The following NALCN variants were observed in gnomAD, a reference collection of about 807,000 sequenced individuals.
The protein encoded by NALCN is sodium leak channel, non-selective.
Under a neutral mutation model 225.3 loss-of-function variants are expected in NALCN, and 111 were observed. That is an observed-to-expected ratio of 0.49 (90% confidence interval 0.42 to 0.58). The LOEUF (loss-of-function observed/expected upper bound fraction) is 0.58, where lower values mean the gene tolerates loss of function less well. Ranked by LOEUF, NALCN falls within the 20% of genes least tolerant of loss-of-function variation. The pLI is 0.00. For missense variants in NALCN, 1,378 were observed against 2,202.4 expected (o/e 0.63, Z 7.49); for synonymous variants, 764 against 769.0 (o/e 0.99, Z 0.11).
rs190950336 is a variant in NALCN, at chr13:101,318,031, T to C, written c.800-25665A>G. The stretch of plus-strand genomic sequence containing the variant: ...TTATTTACAGATATACTTGCTCAAC[T>C]GGGTTTTAAATTCCTTAATCTGCTC... On this transcript the variant is annotated intron_variant, in intron 7 of 43. Transcript: ENST00000251127. Among the ~76,000 whole-genome samples, 155 of 152,300 alleles carry C rather than the reference T, an allele frequency of 1.0e-3. 2 individuals carry two copies. The highest frequency in any genetic ancestry group is 3.2e-3 in the African/African-American group (135 of 41,566).
chr13:101,145,311 A>G (rs1370993622), intron 15 of NALCN, among the ~76,000 whole-genome samples: 1 of 152,222 alleles, frequency 6.6e-6, no homozygotes, highest in Non-Finnish European at 1.5e-5. Context: ...AAAATTAACT[A>G]CAGAATCATA....
At position 101,274,861 on chromosome 13, in the gene NALCN, G is replaced by C. The variant is rs184935035; in HGVS notation, c.1134+9072C>G. Among the ~76,000 whole-genome samples, 44 of 152,268 alleles carry C rather than the reference G, an allele frequency of 2.9e-4. 1 individual carries two copies. In the East Asian group the frequency reaches 8.3e-3, roughly 29 times the overall value. On this transcript the variant is annotated intron_variant, in intron 10 of 43. Transcript: ENST00000251127. ...AGGAAAAATGATCCCTGAGTTGTAA[G>C]TACTGCAGTCAAGTCTCACCACTTA... is the stretch of plus-strand genomic sequence containing the variant.
intron 34 of NALCN, among the ~76,000 whole-genome samples, chr13:101,080,816 C>A (rs1236361882): frequency 6.6e-6 from 1 of 150,746 alleles, no homozygotes; most frequent in Non-Finnish European, 1.5e-5. Context: ...TTCTAAACCA[C>A]TACTTTTTTA....
intron 7 of NALCN, among the ~76,000 whole-genome samples, chr13:101,340,849 G>T (rs2045535452): frequency 6.8e-6 from 1 of 147,864 alleles, no homozygotes; most frequent in African/African-American, 2.5e-5. Context: ...GATTTAGAAA[G>T]AATTGATTCC....
At chr13:101,114,973 G>C (rs1385091679) in intron 18 of NALCN, among the ~76,000 whole-genome samples, 1 of 151,930 alleles carries the variant, frequency 6.6e-6, no homozygotes, top group African/African-American at 2.4e-5. Context: ...AAGAGAGTAG[G>C]GTTTTCTTTA....
chr13:101,059,675 T>C (rs2031676528), intron 42 of NALCN, 143 bp downstream of exon 42: 1 of 235,370 alleles, frequency 4.2e-6, no homozygotes, highest in Non-Finnish European at 6.1e-6. Context: ...TTCCGTTGCC[T>C]TTTTTTTTTT....
At chr13:101,201,907 G>A (rs2040138258) in intron 13 of NALCN, among the ~76,000 whole-genome samples, 1 of 152,060 alleles carries the variant, frequency 6.6e-6, no homozygotes. Flanking sequence ...CCTTTTTATT[G>A]AGAGAGTCCC....
intron 6 of NALCN, among the ~76,000 whole-genome samples, chr13:101,374,694 C>G (rs890285051): frequency 6.6e-6 from 1 of 151,866 alleles, no homozygotes; most frequent in Non-Finnish European, 1.5e-5. Flanking sequence ...AACATTTAAC[C>G]AGTGAAATTA....
intron 14 of NALCN, chr13:101,181,149 G>A (rs773119073): frequency 4.0e-5 from 21 of 518,746 alleles, no homozygotes; most frequent in South Asian, 2.7e-4. Flanking sequence ...CCCAAGCCAC[G>A]CAGATGCCAA....
intron 7 of NALCN, among the ~76,000 whole-genome samples, chr13:101,321,663 A>G (rs1038587561): frequency 6.6e-6 from 1 of 152,192 alleles, no homozygotes; most frequent in African/African-American, 2.4e-5. Context: ...AATCAATTGT[A>G]GAATGACCAA....
At chr13:101,262,523 T>C (rs925724094) in intron 10 of NALCN, among the ~76,000 whole-genome samples, 13 of 152,332 alleles carry the variant, frequency 8.5e-5, no homozygotes, top group African/African-American at 2.9e-4. Context: ...ATCCTCTTTC[T>C]GAGGTTTCAT....
At chr13:101,105,613 A>G (rs1318541550) in intron 22 of NALCN, among the ~76,000 whole-genome samples, 1 of 139,996 alleles carries the variant, frequency 7.1e-6, no homozygotes, top group Non-Finnish European at 1.6e-5. Context: ...AGGTACAGGC[A>G]GCCAACAGGA....
At chr13:101,075,690 G>A (rs2033207320) in intron 35 of NALCN, among the ~76,000 whole-genome samples, 183 bp downstream of exon 35, 1 of 151,896 alleles carries the variant, frequency 6.6e-6, no homozygotes, top group Non-Finnish European at 1.5e-5. Context: ...GAAACACATC[G>A]AATGATAACT....
chr13:101,161,723 T>C (rs1341366256), intron 15 of NALCN, among the ~76,000 whole-genome samples: 1 of 152,092 alleles, frequency 6.6e-6, no homozygotes, highest in East Asian at 1.9e-4. Flanking sequence ...AATATAAAAA[T>C]TAGCCAGGAG....
intron 9 of NALCN, 96 bp from the exon 10 acceptor site, chr13:101,284,115 AT>A: frequency 9.7e-7 from 1 of 1,035,620 alleles, no homozygotes; most frequent in Non-Finnish European, 1.4e-6. Context: ...GTTATCAAAA[AT>A]TTGTCTTCTT....
At chr13:101,220,942 G>A (rs752460889) in intron 13 of NALCN, among the ~76,000 whole-genome samples, 4 of 151,840 alleles carry the variant, frequency 2.6e-5, no homozygotes, top group East Asian at 1.9e-4. Context: ...AACACATTTC[G>A]GCTTACATCT....
chr13:101,349,960 T>C (rs2045860906), intron 6 of NALCN, among the ~76,000 whole-genome samples: 1 of 152,160 alleles, frequency 6.6e-6, no homozygotes, highest in South Asian at 2.1e-4. Flanking sequence ...AGTCTTAGAA[T>C]CATGCTTGAT....
chr13:101,184,401 C>T (rs9557595), intron 14 of NALCN, among the ~76,000 whole-genome samples: 18,026 of 152,102 alleles, frequency 0.12, 1,136 homozygotes, highest in East Asian at 0.17. Flanking sequence ...TTCTTTATGA[C>T]GCTCCTCTTT....
chr13:101,181,273 T>C lies in NALCN; in HGVS notation c.1765-4899A>G, dbSNP rs1003363709. ...GCTTCCAGGCAGAGGGTTTGGAGGC[T>C]GGAGAGGAAGGCAGGATGGACAGGC... is the stretch of plus-strand genomic sequence containing the variant. On this transcript the variant is annotated intron_variant, in intron 14 of 43. Transcript: ENST00000251127. 3 of 518,650 alleles carry C rather than the reference T, an allele frequency of 5.8e-6. No individual in the cohort carries two copies. The African/African-American group carries it at 5.8e-5, about 10-fold the overall frequency. The allele number at this position is 518,650 out of a possible 1,614,324, so 32.1% of individuals were successfully genotyped here. A position where few individuals can be genotyped will look rare whatever the true frequency, so the allele number is the denominator to read the frequency against.
Sources: allele counts gnomAD v4.1 joint callset (sites outside exome capture counted in the v4.1 genomes callset), GRCh38; gene constraint gnomAD v4.1.1; transcripts MANE v1.5; gene names NCBI Gene and HGNC (gene_info 2026-07-23, HGNC 2026-07-21).